The following PTPRD variants were observed in gnomAD, a reference collection of about 807,000 sequenced individuals.
PTPRD encodes the protein receptor-type tyrosine-protein phosphatase delta.
Under a neutral mutation model 214.5 loss-of-function variants are expected in PTPRD, and 34 were observed. The observed-to-expected ratio is 0.16, with a 90% CI of 0.12 to 0.21. The LOEUF (loss-of-function observed/expected upper bound fraction) is 0.21. Among genes scored for constraint, PTPRD ranks in the 10% least tolerant of loss-of-function variants. The pLI is 1.00. For synonymous variants in PTPRD, 1,128 were observed against 845.7 expected, an observed-to-expected ratio of 1.33 and a Z score of -5.79; for missense variants, 2,545 against 2,398.7, an observed-to-expected ratio of 1.06 and a Z score of -1.27.
At chr9:10,181,450 T>C (rs1032924553) in intron 3 of PTPRD, among the ~76,000 whole-genome samples, 1 of 152,136 alleles carries the variant, frequency 6.6e-6, no homozygotes, top group African/African-American at 2.4e-5. Context: ...AATTCATTTA[T>C]CTCTTAGTGC....
At chr9:9,156,351 A>G (rs557631547) in intron 10 of PTPRD, among the ~76,000 whole-genome samples, 5 of 142,148 alleles carry the variant, frequency 3.5e-5, no homozygotes, top group African/African-American at 8.1e-5. Flanking sequence ...AGATATTTAT[A>G]TGTATGTTAA....
At chr9:9,066,326 A>G (rs1037935175) in intron 10 of PTPRD, among the ~76,000 whole-genome samples, 22 of 152,048 alleles carry the variant, frequency 1.4e-4, no homozygotes, top group Admixed American at 4.6e-4. Context: ...GTTTTAAAAA[A>G]CATATTTAAC....
At chr9:8,865,148 A>ATGCT in intron 11 of PTPRD, among the ~76,000 whole-genome samples, 1 of 100,984 alleles carries the variant, frequency 9.9e-6, no homozygotes, top group Admixed American at 1.0e-4. Flanking sequence ...TAAATCTATC[A>ATGCT]TTCTTTCTTT....
At chr9:8,816,400 T>C (rs1282185018) in intron 11 of PTPRD, among the ~76,000 whole-genome samples, 1 of 152,130 alleles carries the variant, frequency 6.6e-6, no homozygotes, top group Admixed American at 6.6e-5. Context: ...TTGTTGAGGA[T>C]AATCTATAAA....
intron 9 of PTPRD, among the ~76,000 whole-genome samples, chr9:9,186,696 A>C (rs150962586): frequency 4.0e-5 from 6 of 150,266 alleles, no homozygotes; most frequent in Non-Finnish European, 8.9e-5. Flanking sequence ...CACGTATCCT[A>C]ATACATATGT....
intron 11 of PTPRD, among the ~76,000 whole-genome samples, chr9:8,903,224 G>A (rs1445151916): frequency 1.3e-5 from 2 of 151,652 alleles, no homozygotes; most frequent in East Asian, 1.9e-4. Context: ...ACTGCATGAC[G>A]CCGAGGCTTG....
intron 11 of PTPRD, among the ~76,000 whole-genome samples, chr9:8,736,094 T>C (rs1261020090): frequency 2.0e-5 from 3 of 152,106 alleles, no homozygotes; most frequent in Admixed American, 2.0e-4. Context: ...GGATCAGGGA[T>C]GATTTAGAGA....
At chr9:10,030,409 G>A (rs1009568467) in intron 4 of PTPRD, among the ~76,000 whole-genome samples, 3 of 152,132 alleles carry the variant, frequency 2.0e-5, no homozygotes, top group Admixed American at 6.5e-5. Context: ...ATGTGCTATC[G>A]AATAGATATG....
At chr9:10,346,728 C>G (rs2097090725) in intron 2 of PTPRD, among the ~76,000 whole-genome samples, 1 of 152,060 alleles carries the variant, frequency 6.6e-6, no homozygotes, top group Non-Finnish European at 1.5e-5. Context: ...GAGAGGATAT[C>G]TTGTTTTCCT....
At chr9:9,575,062 AT>A (rs1176693157) in intron 7 of PTPRD, among the ~76,000 whole-genome samples, 1 of 135,216 alleles carries the variant, frequency 7.4e-6, no homozygotes. Context: ...TAGCTGATGG[AT>A]AACATTTGCA....
chr9:8,688,223 T>C (rs928792008), intron 12 of PTPRD, among the ~76,000 whole-genome samples: 2 of 152,310 alleles, frequency 1.3e-5, no homozygotes, highest in African/African-American at 2.4e-5. Context: ...ATTCTTTCAG[T>C]ACATAAGATC....
chr9:10,016,695 T>G (rs1226848408), intron 4 of PTPRD, among the ~76,000 whole-genome samples: 7 of 151,834 alleles, frequency 4.6e-5, no homozygotes, highest in Non-Finnish European at 4.4e-5. Context: ...CACAGAATTT[T>G]GTTCTGTCAG....
chr9:9,614,090 C>A (rs1017331498), intron 7 of PTPRD, among the ~76,000 whole-genome samples: 4 of 151,478 alleles, frequency 2.6e-5, no homozygotes, highest in Admixed American at 2.6e-4. Flanking sequence ...TCAATTGTTG[C>A]TAAAAACATG....
intron 5 of PTPRD, among the ~76,000 whole-genome samples, chr9:9,836,567 G>C (rs1222118870): frequency 6.6e-6 from 1 of 152,076 alleles, no homozygotes; most frequent in Non-Finnish European, 1.5e-5. Flanking sequence ...TAAAATTGTA[G>C]TTTATTGGGT....
intron 3 of PTPRD, among the ~76,000 whole-genome samples, chr9:10,198,478 C>G (rs2099406759): frequency 6.6e-6 from 1 of 152,048 alleles, no homozygotes; most frequent in Non-Finnish European, 1.5e-5. Context: ...TAATGATTGC[C>G]TGAAGAGGCG....
intron 3 of PTPRD, among the ~76,000 whole-genome samples, chr9:10,136,572 C>T (rs291308): frequency 0.19 from 26,274 of 137,814 alleles, 6,472 homozygotes; most frequent in Non-Finnish European, 0.28. Flanking sequence ...AAGATTTAAA[C>T]GTTAAACCTA....
chr9:8,770,918 G>C (rs566161320), intron 11 of PTPRD, among the ~76,000 whole-genome samples: 1 of 152,060 alleles, frequency 6.6e-6, no homozygotes, highest in South Asian at 2.1e-4. Context: ...GGTGGCTCAC[G>C]CCTGTAATAC....
rs140127213 is a variant in PTPRD at position 8,774,915 on chromosome 9, T to C, written c.-103-40969A>G. 5.9e-5 allele frequency among the ~76,000 whole-genome samples: 9 copies of C among 152,264 alleles called. No individual in the cohort carries two copies. In the East Asian group the frequency reaches 9.7e-4, roughly 16 times the overall value. On this transcript the variant is annotated intron_variant, in intron 11 of 45. Transcript: ENST00000381196. ...TTGATTACGAAGATACTTCATTATA[T>C]GGTGCCATATTTTCAATTGAAAATA...
chr9:8,428,963 TGACA>T (rs1182457791), intron 35 of PTPRD, among the ~76,000 whole-genome samples: 2 of 152,210 alleles, frequency 1.3e-5, no homozygotes, highest in African/African-American at 4.8e-5. Context: ...ATTGCTTAGA[TGACA>T]GACAATTTTT....
Sources: allele counts gnomAD v4.1 joint callset (sites outside exome capture counted in the v4.1 genomes callset), GRCh38; gene constraint gnomAD v4.1.1; transcripts MANE v1.5; gene names NCBI Gene and HGNC (gene_info 2026-07-23, HGNC 2026-07-21).